Variants in PDGFD observed in about 807,000 individuals in gnomAD.
PDGFD encodes platelet-derived growth factor D.
PDGFD carries 30 observed loss-of-function variants against 44.7 expected under a neutral mutation model. That is an observed-to-expected ratio of 0.67 (90% confidence interval 0.50 to 0.91). PDGFD has a LOEUF of 0.91. PDGFD is among the 40% of genes least tolerant of loss of function. The probability of loss-of-function intolerance (pLI) is 0.00; values close to 1 mark genes in which losing one functional copy is unlikely to be tolerated. For synonymous variants in PDGFD, 173 were observed against 168.4 expected (o/e 1.03, Z -0.21); for missense variants, 445 against 457.8 (o/e 0.97, Z 0.25).
chr11:104,094,405 T>C (rs603781), intron 1 of PDGFD, among the ~76,000 whole-genome samples: 80,814 of 151,772 alleles, frequency 0.53, 23,364 homozygotes, highest in East Asian at 0.71. Flanking sequence ...ATAATTTATA[T>C]GCCTCAAAAT....
intron 3 of PDGFD, among the ~76,000 whole-genome samples, chr11:103,949,793 G>C (rs984696305): frequency 6.6e-6 from 1 of 152,162 alleles, no homozygotes; most frequent in Non-Finnish European, 1.5e-5. Context: ...GTAGTAATAG[G>C]TGGTTGTACC....
intron 1 of PDGFD, among the ~76,000 whole-genome samples, chr11:104,160,705 G>C (rs1174631362): frequency 1.3e-5 from 2 of 152,070 alleles, no homozygotes; most frequent in Non-Finnish European, 2.9e-5. Context: ...TGTTCTCCTG[G>C]AGACGGGCAA....
intron 1 of PDGFD, among the ~76,000 whole-genome samples, chr11:104,081,456 G>A (rs1861044149): frequency 4.0e-5 from 6 of 151,824 alleles, no homozygotes. Context: ...TTAATGTCTT[G>A]AAAAATAAGT....
chr11:104,055,264 G>A (rs1211894711), intron 1 of PDGFD, among the ~76,000 whole-genome samples: 2 of 152,214 alleles, frequency 1.3e-5, no homozygotes, highest in African/African-American at 2.4e-5. Flanking sequence ...TCACACGGAT[G>A]TGAGTTTGAA....
intron 1 of PDGFD, among the ~76,000 whole-genome samples, chr11:104,021,127 T>G (rs952941120): frequency 6.6e-6 from 1 of 152,190 alleles, no homozygotes; most frequent in Non-Finnish European, 1.5e-5. Flanking sequence ...AAAGGGTTCA[T>G]GCAATGGTAG....
chr11:104,137,203 T>C (rs1862020044), intron 1 of PDGFD, among the ~76,000 whole-genome samples: 2 of 152,168 alleles, frequency 1.3e-5, no homozygotes, highest in South Asian at 2.1e-4. Flanking sequence ...AGAATTTCAG[T>C]AACAAAAGAA....
At chr11:104,104,825 C>T (rs1861449724) in intron 1 of PDGFD, among the ~76,000 whole-genome samples, 1 of 152,114 alleles carries the variant, frequency 6.6e-6, no homozygotes, top group South Asian at 2.1e-4. Flanking sequence ...TACCTATCAC[C>T]AGAAACAGGT....
intron 6 of PDGFD, among the ~76,000 whole-genome samples, chr11:103,916,482 T>C (rs994366220): frequency 6.6e-5 from 10 of 152,220 alleles, no homozygotes; most frequent in African/African-American, 1.7e-4. Context: ...ACTTTTCCAC[T>C]GTTGGTGGGA....
chr11:104,157,802 TATC>T (rs1324436197), intron 1 of PDGFD, among the ~76,000 whole-genome samples: 6 of 152,246 alleles, frequency 3.9e-5, no homozygotes, highest in African/African-American at 1.2e-4. Flanking sequence ...TGTTAAGTGT[TATC>T]ATCACAAAAA....
At chr11:104,124,944 T>C (rs1861822281) in intron 1 of PDGFD, among the ~76,000 whole-genome samples, 1 of 152,142 alleles carries the variant, frequency 6.6e-6, no homozygotes, top group South Asian at 2.1e-4. Flanking sequence ...CAGACAATAA[T>C]ATTCAGAATT....
At chr11:104,084,697 A>G (rs907882716) in intron 1 of PDGFD, among the ~76,000 whole-genome samples, 1 of 137,404 alleles carries the variant, frequency 7.3e-6, no homozygotes, top group East Asian at 2.0e-4. Flanking sequence ...ATAGTGTATA[A>G]TTTTATAATT....
At chr11:104,023,883 AC>A (rs1200740446) in intron 1 of PDGFD, among the ~76,000 whole-genome samples, 23 of 152,170 alleles carry the variant, frequency 1.5e-4, no homozygotes, top group Admixed American at 1.4e-3. Flanking sequence ...CACAACATGT[AC>A]TTGTATCATT....
At chr11:104,080,624 ATTG>A (rs1861031689) in intron 1 of PDGFD, among the ~76,000 whole-genome samples, 1 of 150,304 alleles carries the variant, frequency 6.7e-6, no homozygotes, top group African/African-American at 2.5e-5. Context: ...GCCACCATCC[ATTG>A]TGTGCCGCCA....
intron 1 of PDGFD, among the ~76,000 whole-genome samples, chr11:104,154,317 C>T (rs1028774130): frequency 6.6e-6 from 1 of 152,098 alleles, no homozygotes; most frequent in African/African-American, 2.4e-5. Context: ...TAACCTAAAA[C>T]GTGTCCTGCG....
At chr11:104,048,167 A>G (rs1352488052) in intron 1 of PDGFD, among the ~76,000 whole-genome samples, 1 of 152,136 alleles carries the variant, frequency 6.6e-6, no homozygotes, top group Non-Finnish European at 1.5e-5. Context: ...TCTAAAAAGC[A>G]CAGGCATTCA....
chr11:104,113,126 A>G (rs1861585111), intron 1 of PDGFD, among the ~76,000 whole-genome samples: 1 of 152,192 alleles, frequency 6.6e-6, no homozygotes, highest in Non-Finnish European at 1.5e-5. Context: ...GGCCATTCGA[A>G]AAATGTACTT....
intron 3 of PDGFD, among the ~76,000 whole-genome samples, chr11:103,993,382 C>G (rs1182495749): frequency 1.3e-5 from 2 of 151,464 alleles, no homozygotes. Flanking sequence ...CGGCCACGAA[C>G]TAATCTTAAG....
At chr11:103,945,398 T>C (rs544284642) in intron 4 of PDGFD, 15 of 152,316 alleles carry the variant, frequency 9.8e-5, no homozygotes, top group African/African-American at 3.4e-4. Context: ...GGAAGACTTA[T>C]AATTCAGGAC....
intron 1 of PDGFD, among the ~76,000 whole-genome samples, chr11:104,121,311 C>T (rs1204238452): frequency 1.3e-5 from 2 of 151,640 alleles, no homozygotes; most frequent in South Asian, 4.1e-4. Flanking sequence ...AATTTTAATT[C>T]GTGAAGTAAT....
Sources: gnomAD v4.1 joint callset for allele counts (sites outside exome capture counted in the v4.1 genomes callset) on GRCh38, gnomAD v4.1.1 for gene constraint, MANE v1.5 for transcripts, NCBI Gene and HGNC (gene_info 2026-07-23, HGNC 2026-07-21) for gene names.